Variants in QTGAL observed in about 807,000 individuals in gnomAD.
QTGAL encodes queuosine-tRNA galactosyltransferase.
chr17:82,947,037 C>G, the QTGAL span: 3 of 1,475,878 alleles, frequency 2.0e-6, no homozygotes, highest in Non-Finnish European at 1.9e-6. Flanking sequence ...TAGGAGGCCA[C>G]TGTGGAGCCT....
chr17:82,959,336 ATG>A, the QTGAL span, among the ~76,000 whole-genome samples: 5 of 151,536 alleles, frequency 3.3e-5, no homozygotes, highest in Admixed American at 1.3e-4. Flanking sequence ...TACCGTGCAG[ATG>A]TGTGTACATG....
chr17:82,965,028 C>A, the QTGAL span, among the ~76,000 whole-genome samples: 11 of 142,366 alleles, frequency 7.7e-5, no homozygotes, highest in African/African-American at 2.9e-4. Flanking sequence ...CCTGCAGGTG[C>A]ACACCCACAG....
the QTGAL span, among the ~76,000 whole-genome samples, chr17:83,011,062 G>T: frequency 6.6e-6 from 1 of 152,258 alleles, no homozygotes; most frequent in South Asian, 2.1e-4. Context: ...GGCAGCCTTC[G>T]TGTTTGGTCT....
the QTGAL span, among the ~76,000 whole-genome samples, chr17:82,998,596 T>C: frequency 6.6e-6 from 1 of 152,066 alleles, no homozygotes; most frequent in African/African-American, 2.4e-5. Flanking sequence ...CCACCCACCT[T>C]GGCCTCCCAA....
At chr17:82,944,486 A>AAGAT in the QTGAL span, 5 of 152,268 alleles carry the variant, frequency 3.3e-5, no homozygotes, top group Non-Finnish European at 2.9e-5. Flanking sequence ...GCTATGAACA[A>AAGAT]AGATAAAGTG....
At chr17:83,036,725 C>T in the QTGAL span, among the ~76,000 whole-genome samples, 4 of 152,152 alleles carry the variant, frequency 2.6e-5, no homozygotes, top group Non-Finnish European at 5.9e-5. Context: ...GACCACCGTC[C>T]TGGGTGCTGC....
chr17:82,992,674 T>C, the QTGAL span, among the ~76,000 whole-genome samples: 4,112 of 151,950 alleles, frequency 0.027, 177 homozygotes, highest in African/African-American at 0.093. Context: ...CAAAGTATTA[T>C]AATGCTGTAA....
At chr17:82,959,413 T>TTC in the QTGAL span, among the ~76,000 whole-genome samples, 2 of 151,706 alleles carry the variant, frequency 1.3e-5, no homozygotes, top group East Asian at 3.9e-4. Flanking sequence ...GTGTATACTT[T>TTC]CGTGCACGTA....
At chr17:83,005,658 G>C in the QTGAL span, 13 of 704,076 alleles carry the variant, frequency 1.8e-5, no homozygotes, top group Non-Finnish European at 2.8e-5. The surrounding 1 kb of genome is among the most constrained non-coding windows in gnomAD (Gnocchi z 5.6). Context: ...ATTCAGCTCA[G>C]GAAAGCAGCG....
chr17:82,985,231 G>A, the QTGAL span, among the ~76,000 whole-genome samples: 2 of 152,204 alleles, frequency 1.3e-5, no homozygotes, highest in Admixed American at 6.5e-5. Context: ...TATCCCATCA[G>A]GCATGTCAAA....
the QTGAL span, among the ~76,000 whole-genome samples, chr17:82,985,516 C>T: frequency 5.3e-5 from 8 of 152,158 alleles, no homozygotes; most frequent in Non-Finnish European, 1.0e-4. Context: ...CCCCTCGATT[C>T]GGAACATGAA....
the QTGAL span, among the ~76,000 whole-genome samples, chr17:83,030,224 T>C: frequency 6.6e-6 from 1 of 152,110 alleles, no homozygotes. Flanking sequence ...TATTCAAACC[T>C]TACGGACACC....
chr17:83,012,732 C>CT, the QTGAL span, among the ~76,000 whole-genome samples: 4 of 152,176 alleles, frequency 2.6e-5, no homozygotes, highest in Non-Finnish European at 5.9e-5. Context: ...AGACTCTGCA[C>CT]TTTCCTCACA....
the QTGAL span, among the ~76,000 whole-genome samples, chr17:82,993,079 C>T: frequency 6.6e-6 from 1 of 151,970 alleles, no homozygotes; most frequent in Non-Finnish European, 1.5e-5. Flanking sequence ...AAAATACAAC[C>T]AGAAAACAAA....
At chr17:82,955,797 C>A in the QTGAL span, among the ~76,000 whole-genome samples, 9,821 of 152,144 alleles carry the variant, frequency 0.065, 592 homozygotes, top group African/African-American at 0.15. Context: ...GCACATATAG[C>A]CCATGGAATA....
chr17:82,997,488 A>G, the QTGAL span, among the ~76,000 whole-genome samples: 1 of 152,214 alleles, frequency 6.6e-6, no homozygotes, highest in African/African-American at 2.4e-5. Flanking sequence ...GTTCCTCAAA[A>G]AACTAAAAAT....
chr17:83,014,501 G>A, the QTGAL span: 11 of 1,614,010 alleles, frequency 6.8e-6, no homozygotes, highest in Non-Finnish European at 9.3e-6. Flanking sequence ...CTCACCCGCT[G>A]GGGCATCATG....
chr17:82,986,726 T>A, the QTGAL span, among the ~76,000 whole-genome samples: 2 of 152,246 alleles, frequency 1.3e-5, no homozygotes, highest in Non-Finnish European at 2.9e-5. Context: ...AAGCCAGTGA[T>A]CCTTATACTA....
chr17:83,027,089 GACAGACACACAGAGCA>G, the QTGAL span, among the ~76,000 whole-genome samples: 1 of 136,328 alleles, frequency 7.3e-6, no homozygotes, highest in Non-Finnish European at 1.5e-5. Context: ...ACCCACCCTC[GACAGACACACAGAGCA>G]GGGCGGGGAG....
Sources: gnomAD v4.1 joint callset for allele counts (sites outside exome capture counted in the v4.1 genomes callset) on GRCh38, gnomAD v4.1.1 for gene constraint, Gnocchi (gnomAD v3.1) non-coding constraint, MANE v1.5 for transcripts, NCBI Gene and HGNC (gene_info 2026-07-23, HGNC 2026-07-21) for gene names.